Variants in GPATCH2 observed in about 807,000 individuals in gnomAD.
GPATCH2 encodes the protein G patch domain-containing protein 2.
In GPATCH2, 51 loss-of-function variants were observed where a neutral mutation model predicts 58.0. The observed-to-expected ratio is 0.88, with a 90% confidence interval of 0.70 to 1.11. GPATCH2 has a LOEUF of 1.11. Ranked by LOEUF, GPATCH2 falls within the 50% of genes most tolerant of loss-of-function variation. The pLI is 0.00. For missense variants in GPATCH2, 625 were observed against 652.2 expected (o/e 0.96, Z 0.45); for synonymous variants, 222 against 218.5 (o/e 1.02, Z -0.14).
intron 5 of GPATCH2, among the ~76,000 whole-genome samples, chr1:217,523,621 C>A (rs1309935774): frequency 1.3e-5 from 2 of 151,802 alleles, no homozygotes; most frequent in African/African-American, 4.9e-5. Flanking sequence ...CTTTTCCCCA[C>A]CTTTCCCCCC....
intron 9 of GPATCH2, among the ~76,000 whole-genome samples, chr1:217,437,469 CTAAGATCCACAGGCTTGAAATTCTCACT>C (rs1658893843): frequency 6.6e-6 from 1 of 152,218 alleles, no homozygotes; most frequent in African/African-American, 2.4e-5. Flanking sequence ...GCCCAACAAG[CTAAGATCCACAGGCTTGAAATTCTCACT>C]GCCAGCACAG....
At chr1:217,555,558 A>G (rs551250507) in intron 5 of GPATCH2, among the ~76,000 whole-genome samples, 1 of 152,276 alleles carries the variant, frequency 6.6e-6, no homozygotes, top group South Asian at 2.1e-4. Flanking sequence ...GAGCACTGTA[A>G]GGTAAAGAAA....
rs371969356 is a variant in GPATCH2, at chr1:217,620,064, T to C, written c.492A>G (p.Val164=). The change falls in exon 2 of 10, where the codon GTA becomes GTG. Residue 164 remains valine (V), a synonymous_variant. Transcript: ENST00000366935. ...GNRTLRRRRK[V]KRMAVDLPQD... ...GTGGGAGATCTACTGCCATGCGTTT[T>C]ACCTTTCTCCTCCTGCGCAGAGTTC... 16 of 1,613,960 alleles carry C rather than the reference T, an allele frequency of 9.9e-6. No individual in the cohort carries two copies. In the African/African-American group the frequency reaches 1.9e-4, roughly 19 times the overall value.
intron 9 of GPATCH2, among the ~76,000 whole-genome samples, chr1:217,441,595 T>C (rs67863807): frequency 0.085 from 12,953 of 152,174 alleles, 609 homozygotes; most frequent in Middle Eastern, 0.13. Context: ...AATTTATCCA[T>C]TGACAAAGGG....
In GPATCH2 at chr1:217,429,991, A is replaced by C. The variant is rs563018535; in HGVS notation, c.*1154T>G. 2.0e-5 allele frequency: 3 copies of C among 152,164 alleles called. No homozygotes were observed. The highest frequency in any genetic ancestry group is 7.2e-5 in the African/African-American group (3 of 41,416). 9.4% of individuals were successfully genotyped at this position (152,164 alleles called of 1,614,324 possible). On this transcript the variant is annotated 3_prime_UTR_variant, in exon 10 of 10. Transcript: ENST00000366935. ...TAATCATCATCATAATAAGTTGTTA[A>C]TAATGAAGATAATAAATAAAGATCT...
intron 5 of GPATCH2, among the ~76,000 whole-genome samples, chr1:217,529,833 C>G (rs987897059): frequency 6.6e-6 from 1 of 152,128 alleles, no homozygotes; most frequent in African/African-American, 2.4e-5. Flanking sequence ...TTTTTGCTCT[C>G]CACACTTACA....
chr1:217,446,336 T>C (rs1158114693), intron 9 of GPATCH2, among the ~76,000 whole-genome samples: 1 of 152,124 alleles, frequency 6.6e-6, no homozygotes, highest in Non-Finnish European at 1.5e-5. Flanking sequence ...TATAACTAAC[T>C]CTTTATTATG....
chr1:217,497,329 G>GA (rs1483861863), intron 7 of GPATCH2, among the ~76,000 whole-genome samples: 1 of 152,054 alleles, frequency 6.6e-6, no homozygotes, highest in Non-Finnish European at 1.5e-5. Context: ...TGAATTCATA[G>GA]AAATAGTGGC....
At chr1:217,541,586 T>C (rs1397713767) in intron 5 of GPATCH2, among the ~76,000 whole-genome samples, 2 of 152,126 alleles carry the variant, frequency 1.3e-5, no homozygotes, top group Admixed American at 6.6e-5. Context: ...CATTTTTTTT[T>C]CCAGCAATTT....
intron 5 of GPATCH2, among the ~76,000 whole-genome samples, chr1:217,595,507 C>CTT (rs35541856): frequency 6.1e-5 from 9 of 146,594 alleles, no homozygotes; most frequent in Admixed American, 6.8e-5. Context: ...TTCTTTTTTT[C>CTT]TTTTTTTTTT....
At chr1:217,444,816 T>A (rs1172770964) in intron 9 of GPATCH2, among the ~76,000 whole-genome samples, 1 of 152,130 alleles carries the variant, frequency 6.6e-6, no homozygotes, top group Non-Finnish European at 1.5e-5. Context: ...TAGCAGCAAA[T>A]AAAAATATAA....
intron 6 of GPATCH2, among the ~76,000 whole-genome samples, chr1:217,503,966 AG>A (rs1269078775): frequency 6.6e-6 from 1 of 152,154 alleles, no homozygotes; most frequent in Non-Finnish European, 1.5e-5. Context: ...AGAGATTAAG[AG>A]GTTTGCCAAA....
Position 217,556,478 on chromosome 1 carries a change from T to A in GPATCH2, c.1099-41589A>T, listed in dbSNP as rs139261813. ...TAGAAACAAACTGTATGCATTATTCTGCACTTGCTCATTTCTTCCAATATT... is the reference window on the plus strand; with the variant it reads ...TAGAAACAAACTGTATGCATTATTCAGCACTTGCTCATTTCTTCCAATATT... On this transcript the variant is annotated intron_variant, in intron 5 of 9. Coordinates refer to ENST00000366935, the MANE Select transcript of GPATCH2 (RefSeq NM_018040.5). Among the ~76,000 whole-genome samples the A allele has an allele frequency of 3.9e-5, 6 of 152,366 alleles. No homozygotes were observed. In the East Asian group the frequency reaches 1.2e-3, roughly 29 times the overall value.
At chr1:217,623,704 C>T (rs1420851550) in intron 1 of GPATCH2, among the ~76,000 whole-genome samples, 1 of 151,858 alleles carries the variant, frequency 6.6e-6, no homozygotes, top group East Asian at 1.9e-4. Flanking sequence ...GAATTTGAGA[C>T]CAGCTTGGCC....
At chr1:217,455,339 C>G (rs1048022430) in intron 8 of GPATCH2, among the ~76,000 whole-genome samples, 19 of 152,156 alleles carry the variant, frequency 1.2e-4, no homozygotes, top group East Asian at 1.9e-4. Flanking sequence ...GCCTACCCTT[C>G]TCCAAGCATC....
At chr1:217,459,476 C>T (rs188957434) in intron 8 of GPATCH2, among the ~76,000 whole-genome samples, 29 of 152,250 alleles carry the variant, frequency 1.9e-4, no homozygotes, top group Admixed American at 1.6e-3. Context: ...AAATAGTAGG[C>T]ACTTACTAAA....
intron 5 of GPATCH2, among the ~76,000 whole-genome samples, chr1:217,572,437 G>T (rs182642276): frequency 5.3e-5 from 8 of 152,270 alleles, no homozygotes; most frequent in African/African-American, 9.6e-5. Flanking sequence ...TTGTCATCAA[G>T]AATAACTTCA....
intron 9 of GPATCH2, among the ~76,000 whole-genome samples, chr1:217,433,378 ATATATATT>A (rs1426833511): frequency 2.4e-4 from 20 of 82,038 alleles, no homozygotes; most frequent in African/African-American, 8.2e-4. Context: ...ATATATATAT[ATATATATT>A]TATTTATTTA....
intron 1 of GPATCH2, among the ~76,000 whole-genome samples, chr1:217,628,990 C>G (rs1212108070): frequency 3.3e-5 from 5 of 152,072 alleles, no homozygotes; most frequent in Admixed American, 3.3e-4. Flanking sequence ...CTTAAACCAT[C>G]TTTGCTTCTG....
Sources: gnomAD v4.1 joint callset for allele counts (sites outside exome capture counted in the v4.1 genomes callset) on GRCh38, gnomAD v4.1.1 for gene constraint, MANE v1.5 for transcripts, NCBI Gene and HGNC (gene_info 2026-07-23, HGNC 2026-07-21) for gene names.